Variants in SLC25A24 observed in about 807,000 individuals in gnomAD.
SLC25A24 encodes solute carrier family 25 member 24.
SLC25A24 carries 49 observed loss-of-function variants against 60.7 expected under a neutral mutation model. That is an observed-to-expected ratio of 0.81 (90% CI 0.64 to 1.02). The LOEUF (loss-of-function observed/expected upper bound fraction) is 1.02. Ranked by LOEUF, SLC25A24 falls within the 50% of genes least tolerant of loss-of-function variation. The probability of loss-of-function intolerance (pLI) is 0.00; values close to 1 mark genes in which losing one functional copy is unlikely to be tolerated. For missense variants in SLC25A24, 564 were observed against 586.3 expected (o/e 0.96, Z 0.39); for synonymous variants, 202 against 200.6 (o/e 1.01, Z -0.06).
chr1:108,152,899 G>T (rs1023096984), intron 6 of SLC25A24, among the ~76,000 whole-genome samples: 2 of 152,214 alleles, frequency 1.3e-5, no homozygotes, highest in African/African-American at 4.8e-5. Context: ...TAACTCCTGA[G>T]TAAGTACTAA....
At chr1:108,165,741 G>A (rs377289662) in intron 3 of SLC25A24, among the ~76,000 whole-genome samples, 3 of 152,104 alleles carry the variant, frequency 2.0e-5, no homozygotes, top group African/African-American at 4.8e-5. Context: ...TCTTGACTCT[G>A]TATCCAATTT....
In SLC25A24 at chr1:108,200,125, A is replaced by G. The variant is rs1453063047; in HGVS notation, c.14T>C (p.Leu5Pro). Reference protein sequence around the residue: MLRWLRDFVLPTAAC... With the variant: MLRWPRDFVLPTAAC... ...CGCGGTGGGCAGCACGAAGTCCCGC[A>G]GCCAGCGCAACATGGTCCCAGAGGC... Residue 5 changes from leucine (L) to proline (P), a missense_variant, in exon 1 of 10, where the codon CTG (leucine) becomes CCG (proline). Leu to Pro is a moderately conservative substitution (Grantham distance 98, BLOSUM62 -3). Coordinates refer to ENST00000565488, the MANE Select transcript of SLC25A24 (RefSeq NM_013386.5). 6.4e-7 allele frequency: 1 copy of G among 1,556,124 alleles called. No homozygotes were observed. The highest frequency in any genetic ancestry group is 1.4e-5 in the African/African-American group (1 of 73,614).
chr1:108,190,488 T>C (rs1286936999), intron 1 of SLC25A24, among the ~76,000 whole-genome samples: 1 of 152,162 alleles, frequency 6.6e-6, no homozygotes, highest in Non-Finnish European at 1.5e-5. Context: ...TTATTTTAGA[T>C]AAAGGGCTGG....
At chr1:108,178,342 A>G (rs1647772478) in intron 3 of SLC25A24, among the ~76,000 whole-genome samples, 1 of 152,244 alleles carries the variant, frequency 6.6e-6, no homozygotes, top group Non-Finnish European at 1.5e-5. Context: ...TATACTCTAG[A>G]ACAAATGGAC....
At position 108,136,366 on chromosome 1, in the gene SLC25A24, C is replaced by G. The variant is rs1431261110; in HGVS notation, c.*287G>C. 4.0e-6 allele frequency: 1 copy of G among 251,384 alleles called. No homozygotes were observed. Among genetic ancestry groups the G allele is most frequent in the Admixed American group, 5.2e-5 (1 of 19,334 alleles). The allele number at this position is 251,384 out of a possible 1,614,324, so 15.6% of individuals were successfully genotyped here. A position where few individuals can be genotyped will look rare whatever the true frequency, so the allele number is the denominator to read the frequency against. On this transcript the variant is annotated 3_prime_UTR_variant, in exon 10 of 10. Coordinates refer to ENST00000565488, the MANE Select transcript of SLC25A24 (RefSeq NM_013386.5). ...CACACAAAACAAATTTTGTTCAAGC[C>G]AGTACATTTTCAGATTTCGGATTCA...
intron 5 of SLC25A24, 115 bp downstream of exon 5, chr1:108,157,347 T>C: frequency 9.1e-7 from 1 of 1,104,470 alleles, no homozygotes; most frequent in Non-Finnish European, 1.3e-6. Context: ...GATTTATTTT[T>C]TAGGGTATAA....
chr1:108,185,109 G>C (rs1421031918), intron 2 of SLC25A24, among the ~76,000 whole-genome samples: 3 of 152,118 alleles, frequency 2.0e-5, no homozygotes, highest in Non-Finnish European at 4.4e-5. Context: ...TGTGATGCCT[G>C]CTAGCATGTT....
chr1:108,152,374 A>T lies in SLC25A24; in HGVS notation c.822+2609T>A, dbSNP rs372462737. Among the ~76,000 whole-genome samples, 240 of 149,812 alleles carry T rather than the reference A, an allele frequency of 1.6e-3. 1 individual carries two copies. Among genetic ancestry groups the T allele is most frequent in the African/African-American group, 3.7e-3 (153 of 40,908 alleles). On this transcript the variant is annotated intron_variant, in intron 6 of 9. Transcript: ENST00000565488. ...TATCTTCCCCTTTATTTATTTATTT[A>T]TTTTTTTTTTGAGACAAGGTCTCAT...
At chr1:108,143,101 T>G (rs1679486181) in intron 8 of SLC25A24, among the ~76,000 whole-genome samples, 1 of 152,232 alleles carries the variant, frequency 6.6e-6, no homozygotes, top group Admixed American at 6.5e-5. Flanking sequence ...GTGGTTTGTA[T>G]AGTGTGTGCT....
chr1:108,141,405 A>C (rs1679440420), intron 8 of SLC25A24, among the ~76,000 whole-genome samples: 1 of 152,204 alleles, frequency 6.6e-6, no homozygotes, highest in African/African-American at 2.4e-5. Flanking sequence ...GTGTACATTG[A>C]TAGAAATGTT....
intron 6 of SLC25A24, among the ~76,000 whole-genome samples, chr1:108,150,899 A>T (rs1025510233): frequency 6.6e-6 from 1 of 152,098 alleles, no homozygotes; most frequent in Non-Finnish European, 1.5e-5. Flanking sequence ...CATTAAAGTC[A>T]AATCAAAATC....
chr1:108,193,980 G>A (rs764959607), intron 1 of SLC25A24, among the ~76,000 whole-genome samples: 1 of 139,220 alleles, frequency 7.2e-6, no homozygotes, highest in African/African-American at 2.5e-5. Flanking sequence ...GAATATGGAG[G>A]TGCAGTTTCA....
Position 108,157,590 on chromosome 1 carries a change from G to T in SLC25A24, c.541C>A (p.Pro181Thr). ...TTTTCGTCTTCCGTGAATTCATCTGGAATAGTTAAGCTATCCCCTATGTCA... is the reference window on the plus strand; with the variant it reads ...TTTTCGTCTTCCGTGAATTCATCTGTAATAGTTAAGCTATCCCCTATGTCA... Reference protein sequence around the residue: ...GIDIGDSLTIPDEFTEDEKKS... With the variant: ...GIDIGDSLTITDEFTEDEKKS... Residue 181 changes from proline (P) to threonine (T), a missense_variant, in exon 5 of 10, where the codon CCA becomes ACA. By Grantham distance (38) the Pro-to-Thr change is conservative. Coordinates refer to ENST00000565488, the MANE Select transcript of SLC25A24 (RefSeq NM_013386.5). 6.2e-7 allele frequency: 1 copy of T among 1,613,902 alleles called. No individual in the cohort carries two copies. Among genetic ancestry groups the T allele is most frequent in the Non-Finnish European group, 8.5e-7 (1 of 1,179,936 alleles).
intron 1 of SLC25A24, among the ~76,000 whole-genome samples, chr1:108,196,878 A>T (rs552190791): frequency 6.6e-6 from 1 of 152,324 alleles, no homozygotes; most frequent in East Asian, 1.9e-4. Flanking sequence ...AAAATAACTG[A>T]AGACTTTTAA....
At chr1:108,176,627 AAAGAT>A (rs1647683009) in intron 3 of SLC25A24, among the ~76,000 whole-genome samples, 2 of 152,332 alleles carry the variant, frequency 1.3e-5, no homozygotes, top group South Asian at 2.1e-4. Context: ...GAAAACAGCA[AAAGAT>A]AAGAAGCAAA....
intron 4 of SLC25A24, among the ~76,000 whole-genome samples, chr1:108,158,951 C>T (rs1179686363): frequency 1.3e-5 from 2 of 151,896 alleles, no homozygotes; most frequent in Non-Finnish European, 2.9e-5. Flanking sequence ...TGCAGAGAGC[C>T]GAGATCGCAC....
At position 108,135,152 on chromosome 1, in the gene SLC25A24, CT is replaced by C. The variant is rs1679249244; in HGVS notation, c.*1500del. The C allele has an allele frequency of 6.6e-6, 1 of 152,388 alleles. No individual in the cohort carries two copies. The highest frequency in any genetic ancestry group is 2.4e-5 in the African/African-American group (1 of 41,414). The allele number at this position is 152,388 out of a possible 1,614,324, so 9.4% of individuals were successfully genotyped here. Reference sequence around the variant, plus strand: ...ATATTACTCAAAAGTACAAATAACCCTAAAAGTAGAATCCCAGGCTTATCAT... The same window carrying C: ...ATATTACTCAAAAGTACAAATAACCCAAAAGTAGAATCCCAGGCTTATCAT... On this transcript the variant is annotated 3_prime_UTR_variant, in exon 10 of 10. Coordinates refer to ENST00000565488, the MANE Select transcript of SLC25A24 (RefSeq NM_013386.5).
chr1:108,187,275 T>C (rs1262469711), intron 1 of SLC25A24, among the ~76,000 whole-genome samples: 2 of 152,112 alleles, frequency 1.3e-5, no homozygotes, highest in African/African-American at 2.4e-5. Context: ...TGACCCATCA[T>C]TGAGGCTTAT....
At chr1:108,143,961 T>C (rs775746293) in intron 7 of SLC25A24, among the ~76,000 whole-genome samples, 7 of 152,136 alleles carry the variant, frequency 4.6e-5, no homozygotes, top group East Asian at 1.9e-4. Context: ...AGATAATCTA[T>C]TGATGTCTTA....
Sources: allele counts gnomAD v4.1 joint callset (sites outside exome capture counted in the v4.1 genomes callset), GRCh38; gene constraint gnomAD v4.1.1; transcripts MANE v1.5; gene names NCBI Gene and HGNC (gene_info 2026-07-23, HGNC 2026-07-21).